ELMO1: variants seen among roughly 807,000 people sequenced by gnomAD.
ELMO1 encodes engulfment and cell motility 1, also known as engulfment and cell motility protein 1.
ELMO1 carries 26 observed loss-of-function variants against 98.9 expected under a neutral mutation model. The observed-to-expected ratio is 0.26, with a 90% CI of 0.19 to 0.36. ELMO1 has a LOEUF of 0.36. ELMO1 is among the 10% of genes least tolerant of loss of function. ELMO1 has a pLI of 1.00. For missense variants in ELMO1, 627 were observed against 935.2 expected, an observed-to-expected ratio of 0.67 and a Z score of 4.30; for synonymous variants, 346 against 346.0, an observed-to-expected ratio of 1.00 and a Z score of 0.00.
chr7:37,308,737 A>C (rs201233091), intron 4 of ELMO1, among the ~76,000 whole-genome samples: 2 of 152,224 alleles, frequency 1.3e-5, no homozygotes, highest in East Asian at 3.9e-4. Context: ...CAGCATGTCC[A>C]TTTCTCTCTG....
At chr7:36,859,655 G>A (rs866497961) in intron 21 of ELMO1, among the ~76,000 whole-genome samples, 1 of 152,184 alleles carries the variant, frequency 6.6e-6, no homozygotes, top group African/African-American at 2.4e-5. Flanking sequence ...CGTTTCTTAA[G>A]CTCTCTTGCC....
intron 18 of ELMO1, among the ~76,000 whole-genome samples, chr7:36,881,954 A>C (rs1804499022): frequency 6.6e-6 from 1 of 152,234 alleles, no homozygotes; most frequent in Admixed American, 6.5e-5. Flanking sequence ...GTCTGTCTTC[A>C]ATCATCCAGG....
intron 1 of ELMO1, among the ~76,000 whole-genome samples, chr7:37,411,101 G>T (rs1803977511): frequency 6.6e-6 from 1 of 152,166 alleles, no homozygotes. Flanking sequence ...CTGGTTCTCA[G>T]AAAACCATTT....
At chr7:37,375,877 A>G in intron 1 of ELMO1, 3 of 692,234 alleles carry the variant, frequency 4.3e-6, no homozygotes, top group Non-Finnish European at 7.9e-6. Flanking sequence ...AAGACTCACA[A>G]GAGGGGAAGC....
chr7:37,013,565 G>T, intron 15 of ELMO1, 130 bp from the exon 16 acceptor site: 2 of 1,166,672 alleles, frequency 1.7e-6, no homozygotes, highest in Non-Finnish European at 2.4e-6. Flanking sequence ...TGGTGAAAAA[G>T]TATTTTTGAA....
rs141434764 is a variant in ELMO1, at chr7:37,415,266, C to T, written c.-74+33409G>A. Among the ~76,000 whole-genome samples the T allele has an allele frequency of 1.2e-4, 18 of 152,314 alleles. No homozygotes were observed. The East Asian group carries it at 3.1e-3, about 26-fold the overall frequency. On this transcript the variant is annotated intron_variant, in intron 1 of 21. Transcript: ENST00000310758. ...CCTGAACAAAATAGATTGAGCAAAG[C>T]GAATCTGTGGCTTCCAAAGTTATGT...
intron 16 of ELMO1, among the ~76,000 whole-genome samples, chr7:36,934,603 G>A (rs916460249): frequency 1.3e-5 from 2 of 152,170 alleles, no homozygotes; most frequent in African/African-American, 2.4e-5. Flanking sequence ...GCAAACATGC[G>A]CTTTTGATGA....
At position 36,853,702 on chromosome 7, in the gene ELMO1, T is replaced by A. The variant is rs564968445; in HGVS notation, c.*1849A>T. On this transcript the variant is annotated 3_prime_UTR_variant, in exon 22 of 22. Transcript: ENST00000310758. ...GTCAATCTGTAATTGCACATCCTGA[T>A]GACGGTAAAGAGAAATGACCTGGAT... 6.6e-6 allele frequency among the ~76,000 whole-genome samples: 1 copy of A among 152,232 alleles called. No individual in the cohort carries two copies. Among genetic ancestry groups the A allele is most frequent in the African/African-American group, 2.4e-5 (1 of 41,462 alleles).
chr7:37,158,571 C>T (rs1788965537), intron 13 of ELMO1, among the ~76,000 whole-genome samples: 1 of 152,138 alleles, frequency 6.6e-6, no homozygotes, highest in Non-Finnish European at 1.5e-5. Flanking sequence ...CATCACTGAC[C>T]ATCAGAGAAA....
At chr7:37,026,233 A>G (rs1388593400) in intron 15 of ELMO1, among the ~76,000 whole-genome samples, 2 of 152,174 alleles carry the variant, frequency 1.3e-5, no homozygotes, top group Non-Finnish European at 2.9e-5. Context: ...CAGATTAATG[A>G]GCAGCTGGGA....
At chr7:36,926,111 C>T (rs1338955928) in intron 16 of ELMO1, among the ~76,000 whole-genome samples, 5 of 152,198 alleles carry the variant, frequency 3.3e-5, no homozygotes, top group African/African-American at 1.2e-4. Context: ...TTTTACCTTC[C>T]TGCCCTCCTT....
In ELMO1 at chr7:37,423,240, C is replaced by A. The variant is rs574205160; in HGVS notation, c.-74+25435G>T. Among the ~76,000 whole-genome samples, 189 of 152,328 alleles carry A rather than the reference C, an allele frequency of 1.2e-3. 2 individuals carry two copies. The highest frequency in any genetic ancestry group is 4.4e-3 in the African/African-American group (184 of 41,580). ...CAGTAAACTACAGACATGATTAAGT[C>A]TGTGTCTCTTTACCTAATGTCTAAA... On this transcript the variant is annotated intron_variant, in intron 1 of 21. Transcript: ENST00000310758.
At chr7:37,293,766 CAAA>C (rs56775177) in intron 4 of ELMO1, among the ~76,000 whole-genome samples, 134 of 100,884 alleles carry the variant, frequency 1.3e-3, no homozygotes, top group African/African-American at 2.0e-3. Context: ...ACTCTATATC[CAAA>C]AAAAAAAAAA....
intron 16 of ELMO1, among the ~76,000 whole-genome samples, chr7:36,899,251 G>C (rs1806295811): frequency 6.6e-6 from 1 of 152,176 alleles, no homozygotes; most frequent in African/African-American, 2.4e-5. Flanking sequence ...GTCACTAGAG[G>C]ACTTTGGGGT....
chr7:37,353,493 G>A (rs1246850227), intron 1 of ELMO1: 1 of 157,528 alleles, frequency 6.3e-6, no homozygotes, highest in Non-Finnish European at 1.4e-5. Context: ...CTGGCTTCAA[G>A]AGTGAATAGC....
At chr7:37,004,112 C>T (rs1435199571) in intron 16 of ELMO1, among the ~76,000 whole-genome samples, 1 of 152,116 alleles carries the variant, frequency 6.6e-6, no homozygotes, top group Non-Finnish European at 1.5e-5. Context: ...GAGATTCCCA[C>T]CTAATGGTAC....
At chr7:37,114,136 G>A (rs1274045395) in intron 14 of ELMO1, among the ~76,000 whole-genome samples, 3 of 152,234 alleles carry the variant, frequency 2.0e-5, no homozygotes, top group Non-Finnish European at 4.4e-5. Context: ...GTTACTGGAG[G>A]TTGTAGGCAG....
intron 13 of ELMO1, among the ~76,000 whole-genome samples, chr7:37,188,137 C>T (rs1791329666): frequency 6.6e-6 from 1 of 152,070 alleles, no homozygotes; most frequent in South Asian, 2.1e-4. Context: ...TCTTCTTGAT[C>T]TCTAATAACT....
At chr7:37,239,235 G>A (rs1429031330) in intron 7 of ELMO1, among the ~76,000 whole-genome samples, 2 of 151,912 alleles carry the variant, frequency 1.3e-5, no homozygotes, top group Non-Finnish European at 2.9e-5. Flanking sequence ...GCACGACGTC[G>A]GCTCACTGAA....
Sources: gnomAD v4.1 joint callset for allele counts (sites outside exome capture counted in the v4.1 genomes callset) on GRCh38, gnomAD v4.1.1 for gene constraint, MANE v1.5 for transcripts, NCBI Gene and HGNC (gene_info 2026-07-23, HGNC 2026-07-21) for gene names.